Variants in RGS6 observed in about 807,000 individuals in gnomAD.
RGS6 encodes regulator of G-protein signaling 6.
A neutral mutation model predicts 78.5 loss-of-function variants in RGS6; 30 were observed. That is an observed-to-expected ratio of 0.38 (90% CI 0.29 to 0.52). RGS6 has a LOEUF of 0.52. Ranked by LOEUF, RGS6 falls within the 20% of genes least tolerant of loss-of-function variation. The pLI is 0.85. For synonymous variants in RGS6, 206 were observed against 206.0 expected (o/e 1.00, Z 0.00); for missense variants, 495 against 609.7 (o/e 0.81, Z 1.98).
intron 2 of RGS6, among the ~76,000 whole-genome samples, chr14:72,058,063 A>T (rs1422972157): frequency 1.3e-5 from 2 of 149,236 alleles, no homozygotes; most frequent in African/African-American, 4.9e-5. Flanking sequence ...TCATATTGTC[A>T]GTTTATGAGG....
intron 17 of RGS6, among the ~76,000 whole-genome samples, chr14:72,559,238 A>G (rs577000579): frequency 6.6e-6 from 1 of 152,312 alleles, no homozygotes; most frequent in East Asian, 1.9e-4. Context: ...CTGCAAGCCT[A>G]TAGGGGCATG....
At chr14:71,890,189 C>T in the RGS6 span, among the ~76,000 whole-genome samples, 3 of 152,056 alleles carry the variant, frequency 2.0e-5, no homozygotes, top group Non-Finnish European at 2.9e-5. Flanking sequence ...AAGTTTCTGC[C>T]TTGAGCAGAT....
intron 17 of RGS6, chr14:72,540,377 G>A: frequency 1.4e-6 from 2 of 1,456,112 alleles, no homozygotes; most frequent in Non-Finnish European, 9.0e-7. Flanking sequence ...GCTTTGAGGA[G>A]GAGGGACCCT....
intron 3 of RGS6, among the ~76,000 whole-genome samples, chr14:72,404,229 G>T (rs989239532): frequency 6.6e-6 from 1 of 152,202 alleles, no homozygotes; most frequent in African/African-American, 2.4e-5. Context: ...CTGTTTCAAA[G>T]TCAGAAAGGA....
intron 13 of RGS6, among the ~76,000 whole-genome samples, chr14:72,508,561 CCTTTTTTTTTT>C (rs1351594627): frequency 2.2e-5 from 2 of 92,650 alleles, no homozygotes; most frequent in African/African-American, 8.2e-5. Context: ...CACACAAGCT[CCTTTTTTTTTT>C]TTTTTTTTTT....
intron 2 of RGS6, among the ~76,000 whole-genome samples, chr14:71,982,131 C>T (rs979458987): frequency 2.0e-5 from 3 of 152,236 alleles, no homozygotes; most frequent in Non-Finnish European, 2.9e-5. Flanking sequence ...GGCAACGCCT[C>T]GCCCTGCTTC....
chr14:72,097,404 T>C (rs946527537), intron 2 of RGS6, among the ~76,000 whole-genome samples: 2 of 152,228 alleles, frequency 1.3e-5, no homozygotes, highest in African/African-American at 4.8e-5. Flanking sequence ...GAATGTACCA[T>C]TGGCAGGTTA....
At position 71,997,135 on chromosome 14, in the gene RGS6, T is replaced by C. The variant is rs144442803; in HGVS notation, c.84+32260T>C. Among the ~76,000 whole-genome samples the C allele has an allele frequency of 6.1e-4, 93 of 152,264 alleles. No individual in the cohort carries two copies. In the Middle Eastern group the frequency reaches 0.01, roughly 17 times the overall value. ...CACCTGAGATGGAGAGGTGACTAGA[T>C]TCAGAAGCAACTAGGGATGTAGAAT... On this transcript the variant is annotated intron_variant, in intron 2 of 17. Transcript: ENST00000553525.
At chr14:71,958,586 G>A (rs1350310404) in intron 1 of RGS6, among the ~76,000 whole-genome samples, 1 of 150,428 alleles carries the variant, frequency 6.6e-6, no homozygotes, top group African/African-American at 2.4e-5. Context: ...TTGAAAGCCA[G>A]TTTTTTTTGA....
intron 2 of RGS6, among the ~76,000 whole-genome samples, chr14:72,134,235 A>G (rs11629255): frequency 0.42 from 64,548 of 151,992 alleles, 14,882 homozygotes; most frequent in African/African-American, 0.61. Flanking sequence ...TGTGTTGCCC[A>G]TCTCTGGAAG....
chr14:72,226,857 T>C (rs2048250398), intron 2 of RGS6, among the ~76,000 whole-genome samples: 1 of 152,198 alleles, frequency 6.6e-6, no homozygotes, highest in Non-Finnish European at 1.5e-5. Context: ...GGCTAATTTT[T>C]TGTATTTTTA....
chr14:72,416,911 A>G (rs1414193520), intron 3 of RGS6, among the ~76,000 whole-genome samples: 1 of 152,188 alleles, frequency 6.6e-6, no homozygotes, highest in East Asian at 1.9e-4. Flanking sequence ...TAACCATGGC[A>G]TGAGGATTAG....
intron 1 of RGS6, among the ~76,000 whole-genome samples, chr14:71,947,768 T>C (rs2091748719): frequency 6.6e-6 from 1 of 152,236 alleles, no homozygotes; most frequent in South Asian, 2.1e-4. Flanking sequence ...TATTTGGAAA[T>C]AGGTATAAGT....
chr14:72,031,229 T>C (rs921348178), intron 2 of RGS6, among the ~76,000 whole-genome samples: 2 of 152,190 alleles, frequency 1.3e-5, no homozygotes, highest in African/African-American at 4.8e-5. Context: ...GTTTAAGGAA[T>C]GGTATTTTAC....
chr14:72,604,826 A>C, the RGS6 span, among the ~76,000 whole-genome samples: 1 of 152,092 alleles, frequency 6.6e-6, no homozygotes, highest in Non-Finnish European at 1.5e-5. Flanking sequence ...CAAGGTTTCA[A>C]GGGGGTTGGA....
At chr14:72,259,950 T>A (rs2057839064) in intron 2 of RGS6, among the ~76,000 whole-genome samples, 1 of 143,850 alleles carries the variant, frequency 7.0e-6, no homozygotes. Flanking sequence ...AACGAGAGTC[T>A]CAAATAGCTA....
At chr14:72,510,012 C>G in intron 13 of RGS6, 142 bp from the exon 14 acceptor site, 2 of 948,652 alleles carry the variant, frequency 2.1e-6, no homozygotes, top group Non-Finnish European at 3.1e-6. Flanking sequence ...ATTTGTGCAG[C>G]TTTTGTAGAA....
At chr14:71,960,517 C>T (rs888448062) in intron 1 of RGS6, among the ~76,000 whole-genome samples, 13 of 152,208 alleles carry the variant, frequency 8.5e-5, no homozygotes, top group African/African-American at 3.1e-4. Context: ...TAAGTACCTT[C>T]TATGTGCCAG....
chr14:72,572,134 T>A, the RGS6 span, among the ~76,000 whole-genome samples: 2 of 152,144 alleles, frequency 1.3e-5, no homozygotes, highest in African/African-American at 4.8e-5. Context: ...GGGATGGCTA[T>A]AATAAAAAAG....
Sources: gnomAD v4.1 joint callset for allele counts (sites outside exome capture counted in the v4.1 genomes callset) on GRCh38, gnomAD v4.1.1 for gene constraint, MANE v1.5 for transcripts, NCBI Gene and HGNC (gene_info 2026-07-23, HGNC 2026-07-21) for gene names.